Variants in RANBP17 observed in about 807,000 individuals in gnomAD.
The protein encoded by RANBP17 is ran-binding protein 17.
In RANBP17, 158 loss-of-function variants were observed where a neutral mutation model predicts 141.2. The ratio of observed to expected loss-of-function variants is 1.12; its 90% CI spans 0.98 to 1.28. RANBP17 has a LOEUF of 1.28. RANBP17 is among the 50% of genes most tolerant of loss of function. The probability of loss-of-function intolerance (pLI) is 0.00; values close to 1 mark genes in which losing one functional copy is unlikely to be tolerated. For missense variants in RANBP17, 1,438 were observed against 1,290.7 expected (o/e 1.11, Z -1.75); for synonymous variants, 430 against 450.0 (o/e 0.96, Z 0.56).
chr5:170,963,483 C>CA (rs1428239500), intron 13 of RANBP17, among the ~76,000 whole-genome samples: 3 of 152,194 alleles, frequency 2.0e-5, no homozygotes, highest in African/African-American at 7.2e-5. Context: ...TGGCATTAAA[C>CA]ATTATAAAGC....
chr5:171,254,877 A>G (rs1200211669), intron 24 of RANBP17, among the ~76,000 whole-genome samples: 1 of 152,210 alleles, frequency 6.6e-6, no homozygotes, highest in Non-Finnish European at 1.5e-5. Flanking sequence ...AAAAACAAAC[A>G]ACAAAAAGGA....
intron 22 of RANBP17, among the ~76,000 whole-genome samples, chr5:171,240,498 T>A (rs946737776): frequency 6.6e-6 from 1 of 152,122 alleles, no homozygotes; most frequent in Non-Finnish European, 1.5e-5. Context: ...ATATAAAAGG[T>A]CAAAAATTTG....
rs571833049 is a variant in RANBP17, at chr5:170,907,886, C to T, written c.490-1775C>T. Among the ~76,000 whole-genome samples the T allele has an allele frequency of 2.6e-5, 4 of 151,918 alleles. No homozygotes were observed. In the South Asian group the frequency reaches 8.3e-4, roughly 32 times the overall value. ...AAGCAAAAGACATGAACAGACACTTCTCAAAAGAAGGCAAGTGGCCAAAAA... is the reference window on the plus strand; with the variant it reads ...AAGCAAAAGACATGAACAGACACTTTTCAAAAGAAGGCAAGTGGCCAAAAA... On this transcript the variant is annotated intron_variant, in intron 5 of 27. Transcript: ENST00000523189.
intron 8 of RANBP17, 26 bp downstream of exon 8, chr5:170,914,266 G>A (rs571601839): frequency 4.4e-5 from 63 of 1,437,464 alleles, no homozygotes; most frequent in Non-Finnish European, 5.1e-5. Context: ...TCGTTATTTC[G>A]TTAAAAAATA....
chr5:171,058,674 C>T (rs1241012581), intron 14 of RANBP17, among the ~76,000 whole-genome samples: 2 of 150,268 alleles, frequency 1.3e-5, no homozygotes, highest in Non-Finnish European at 3.0e-5. Context: ...TGGGTATATA[C>T]CCAGTAATGG....
At chr5:171,032,633 A>G (rs1386908859) in intron 14 of RANBP17, among the ~76,000 whole-genome samples, 1 of 152,176 alleles carries the variant, frequency 6.6e-6, no homozygotes, top group African/African-American at 2.4e-5. Context: ...GATCTATATT[A>G]AGTCATTTTG....
At chr5:171,038,474 C>A (rs1365324531) in intron 14 of RANBP17, among the ~76,000 whole-genome samples, 1 of 151,994 alleles carries the variant, frequency 6.6e-6, no homozygotes, top group East Asian at 1.9e-4. Context: ...GCGAGGGCTT[C>A]CAGTACTATG....
chr5:171,144,896 T>C (rs1757935610), intron 14 of RANBP17, among the ~76,000 whole-genome samples: 1 of 152,202 alleles, frequency 6.6e-6, no homozygotes, highest in African/African-American at 2.4e-5. Flanking sequence ...TATATTACTA[T>C]TTCTCTTGAG....
At chr5:171,183,082 T>A (rs1760969282) in intron 16 of RANBP17, 85 bp from the exon 17 acceptor site, 1 of 699,528 alleles carries the variant, frequency 1.4e-6, no homozygotes, top group African/African-American at 1.8e-5. Flanking sequence ...TAGAAATTGA[T>A]GCCACTACAG....
chr5:171,034,668 A>G (rs541108507), intron 14 of RANBP17, among the ~76,000 whole-genome samples: 2 of 152,248 alleles, frequency 1.3e-5, no homozygotes, highest in Non-Finnish European at 2.9e-5. Flanking sequence ...TTAAAAACAG[A>G]TGCAGTGCAA....
In RANBP17 at chr5:171,199,701, G is replaced by C. The variant is rs1376293392; in HGVS notation, c.2070G>C (p.Met690Ile). 1 of 1,610,352 alleles carries C rather than the reference G, an allele frequency of 6.2e-7. No homozygotes were observed. Among genetic ancestry groups the C allele is most frequent in the African/African-American group, 1.3e-5 (1 of 74,904 alleles). The stretch of plus-strand genomic sequence containing the variant: ...ATGAGGATGAATTTGAGAATTTCAT[G>C]CTGCCTCTTACAGTTGCTTTTGAAA... The part of the protein sequence containing the change: ...GEDEDEFENF[M>I]LPLTVAFETV... The change falls in exon 19 of 28, where the codon ATG (methionine) becomes ATC (isoleucine). Residue 690 changes from methionine (M) to isoleucine (I), a missense_variant. By Grantham distance (10) the Met-to-Ile change is conservative (BLOSUM62 1). Coordinates refer to ENST00000523189, the MANE Select transcript of RANBP17 (RefSeq NM_022897.5).
At chr5:170,896,313 C>A (rs541151807) in intron 5 of RANBP17, 198 bp downstream of exon 5, 2 of 558,462 alleles carry the variant, frequency 3.6e-6, no homozygotes, top group East Asian at 6.0e-5. Context: ...TTGAAGATAT[C>A]TGCAATAGTA....
chr5:171,280,571 G>A (rs532523542), intron 25 of RANBP17, among the ~76,000 whole-genome samples: 2 of 152,144 alleles, frequency 1.3e-5, no homozygotes, highest in African/African-American at 2.4e-5. Context: ...ACCATACCTG[G>A]CCTTAACTCA....
intron 25 of RANBP17, among the ~76,000 whole-genome samples, chr5:171,278,352 A>T (rs1767659894): frequency 6.6e-6 from 1 of 152,082 alleles, no homozygotes; most frequent in Non-Finnish European, 1.5e-5. Flanking sequence ...CCCCGTCTCT[A>T]CTAAAAATAT....
chr5:170,947,338 G>A (rs1774848789), intron 12 of RANBP17, among the ~76,000 whole-genome samples: 1 of 152,054 alleles, frequency 6.6e-6, no homozygotes, highest in Non-Finnish European at 1.5e-5. Context: ...TTTAGGCTCT[G>A]GAGATACAAT....
intron 13 of RANBP17, among the ~76,000 whole-genome samples, chr5:170,955,845 A>T (rs1484616087): frequency 1.3e-5 from 2 of 148,922 alleles, no homozygotes; most frequent in Non-Finnish European, 3.0e-5. Flanking sequence ...TATCTCAGAG[A>T]TCTTAATATT....
chr5:171,071,037 G>A (rs1310101224), intron 14 of RANBP17, among the ~76,000 whole-genome samples: 2 of 151,924 alleles, frequency 1.3e-5, no homozygotes, highest in Admixed American at 6.6e-5. Flanking sequence ...TAAAATTGCT[G>A]GGTGAAAGAG....
intron 14 of RANBP17, among the ~76,000 whole-genome samples, chr5:171,112,661 C>A (rs1755326550): frequency 6.6e-6 from 1 of 151,256 alleles, no homozygotes; most frequent in East Asian, 2.0e-4. Context: ...TTAAAGAGTT[C>A]TTATAACCAA....
intron 14 of RANBP17, among the ~76,000 whole-genome samples, chr5:171,016,441 A>G (rs1422175134): frequency 6.6e-6 from 1 of 151,272 alleles, no homozygotes; most frequent in African/African-American, 2.4e-5. Context: ...TCTTTAGACC[A>G]TTTTTCTTTA....
Sources: allele counts gnomAD v4.1 joint callset (sites outside exome capture counted in the v4.1 genomes callset), GRCh38; gene constraint gnomAD v4.1.1; transcripts MANE v1.5; gene names NCBI Gene and HGNC (gene_info 2026-07-23, HGNC 2026-07-21).